PABPN1: variants seen among roughly 807,000 people sequenced by gnomAD.
PABPN1 encodes poly(A) binding protein nuclear 1.
Under a neutral mutation model 33.4 loss-of-function variants are expected in PABPN1, and 5 were observed. That is an observed-to-expected ratio of 0.15 (90% CI 0.08 to 0.32). PABPN1 has a LOEUF of 0.32. Among genes scored for constraint, PABPN1 ranks in the 10% least tolerant of loss-of-function variants. The pLI is 1.00. For missense variants in PABPN1, 312 were observed against 425.8 expected, an observed-to-expected ratio of 0.73 and a Z score of 2.35; for synonymous variants, 176 against 170.6, an observed-to-expected ratio of 1.03 and a Z score of -0.25.
chr14:23,325,547 A>T lies in PABPN1; in HGVS notation c.*261A>T. The T allele has an allele frequency of 2.0e-6, 1 of 493,380 alleles. No homozygotes were observed. Among genetic ancestry groups the T allele is most frequent in the Non-Finnish European group, 3.6e-6 (1 of 278,698 alleles). 30.6% of individuals were successfully genotyped at this position (493,380 alleles called of 1,614,324 possible). Reference sequence around the variant, plus strand: ...TGGGGATTCGCCATGGACACGTCTCAACTGCGCAAGCTGCTGCCCATGTTT... The same window carrying T: ...TGGGGATTCGCCATGGACACGTCTCTACTGCGCAAGCTGCTGCCCATGTTT... On this transcript the variant is annotated 3_prime_UTR_variant, in exon 7 of 7. Coordinates refer to ENST00000216727, the MANE Select transcript of PABPN1 (RefSeq NM_004643.4).
rs997316903 is a variant in PABPN1, at chr14:23,325,490, A to G, written c.*204A>G. 2.3e-5 allele frequency: 15 copies of G among 660,510 alleles called. No individual in the cohort carries two copies. The highest frequency in any genetic ancestry group is 7.3e-5 in the African/African-American group (4 of 54,976). 40.9% of individuals were successfully genotyped at this position (660,510 alleles called of 1,614,324 possible). Reference sequence around the variant, plus strand: ...TGCTTTGGGGAGTAGGGGAAGGCCCAGGGAGTGGGGCAGGGGGCTGCTTAT... The same window carrying G: ...TGCTTTGGGGAGTAGGGGAAGGCCCGGGGAGTGGGGCAGGGGGCTGCTTAT... On this transcript the variant is annotated 3_prime_UTR_variant, in exon 7 of 7. Coordinates refer to ENST00000216727, the MANE Select transcript of PABPN1 (RefSeq NM_004643.4).
At position 23,323,048 on chromosome 14, in the gene PABPN1, T is replaced by G; in HGVS notation, c.516T>G (p.Arg172=). ...SIEEKMEADA[R]SIYVGNVDYG... ...AGGAGAAGATGGAGGCTGATGCCCG[T>G]TCCATCTATGTTGGCAATGTACGTA... The change falls in exon 3 of 7, where the codon CGT becomes CGG. Residue 172 remains arginine (R), a synonymous_variant. Coordinates refer to ENST00000216727, the MANE Select transcript of PABPN1 (RefSeq NM_004643.4). The G allele has an allele frequency of 6.2e-7, 1 of 1,614,208 alleles. No individual in the cohort carries two copies.
Position 23,321,506 on chromosome 14 carries a change from G to C in PABPN1, c.37G>C (p.Ala13Pro), listed in dbSNP as rs1293492884. Residue 13 changes from alanine (A) to proline (P), a missense_variant, in exon 1 of 7, where the codon GCT becomes CCT. Ala to Pro is a conservative substitution (Grantham distance 27, BLOSUM62 -1). This residue lies in a region of PABPN1 where 167 missense variants were observed against 168.9 expected (regional missense o/e 0.99). Coordinates refer to ENST00000216727, the MANE Select transcript of PABPN1 (RefSeq NM_004643.4). ...GGCGGCGGCGGCAGCAGCAGCGGGG[G>C]CTGCGGGCGGTCGGGGCTCCGGGCC... ...AAAAAAAAAG[A>P]AGGRGSGPGR... The C allele has an allele frequency of 3.7e-5, 45 of 1,230,024 alleles. No individual in the cohort carries two copies. The highest frequency in any genetic ancestry group is 3.7e-5 in the Non-Finnish European group (36 of 985,302). 76.2% of individuals were successfully genotyped at this position (1,230,024 alleles called of 1,614,324 possible).
At chr14:23,323,517 A>AC in intron 4 of PABPN1, 34 bp downstream of exon 4, 1 of 1,560,894 alleles carries the variant, frequency 6.4e-7, no homozygotes, top group Non-Finnish European at 8.8e-7. Context: ...GATAATTTAA[A>AC]TTACAGTGTA....
intron 6 of PABPN1, 168 bp from the exon 7 acceptor site, chr14:23,325,079 C>G: frequency 1.1e-6 from 1 of 877,130 alleles, no homozygotes; most frequent in Non-Finnish European, 1.7e-6. Flanking sequence ...TGCCCCAGTT[C>G]TCCAGGTGCG....
Position 23,326,002 on chromosome 14 carries a change from T to G in PABPN1, c.*716T>G, listed in dbSNP as rs1349467992. The G allele has an allele frequency of 9.2e-5, 14 of 152,294 alleles. No homozygotes were observed. The highest frequency in any genetic ancestry group is 2.9e-4 in the African/African-American group (12 of 41,394). 9.4% of individuals were successfully genotyped at this position (152,294 alleles called of 1,614,324 possible). On this transcript the variant is annotated 3_prime_UTR_variant, in exon 7 of 7. Coordinates refer to ENST00000216727, the MANE Select transcript of PABPN1 (RefSeq NM_004643.4). ...CAGTTGTTTTGTTTTTTTGTTTTTT[T>G]TTTTTTTCCTTTGCCTTTTTTCCCT...
At chr14:23,322,002 G>C in intron 1 of PABPN1, 179 bp from the exon 2 acceptor site, 1 of 782,692 alleles carries the variant, frequency 1.3e-6, no homozygotes. Context: ...GGCTTGATTC[G>C]GGCGTCACGG....
Position 23,322,166 on chromosome 14 carries a change from C to T in PABPN1, c.352-15C>T, listed in dbSNP as rs773423367. 2 of 1,595,212 alleles carry T rather than the reference C, an allele frequency of 1.3e-6. No homozygotes were observed. Among genetic ancestry groups the T allele is most frequent in the Admixed American group, 3.5e-5 (2 of 57,076 alleles). On this transcript the variant is annotated splice_polypyrimidine_tract_variant and intron_variant, in intron 1 of 6. Transcript: ENST00000216727. ...CCTCTTAAGCTGTCCTCCATACCCT[C>T]CCCACTTATATTAGGAGCTGGAAGC... is the stretch of plus-strand genomic sequence containing the variant.
At chr14:23,325,177 C>T in intron 6 of PABPN1, 70 bp from the exon 7 acceptor site, 1 of 1,606,030 alleles carries the variant, frequency 6.2e-7, no homozygotes. Flanking sequence ...GGGCAGGGGC[C>T]TACGGGGAGG....
In PABPN1 at chr14:23,325,549, C is replaced by T; in HGVS notation, c.*263C>T. The T allele has an allele frequency of 2.1e-6, 1 of 472,560 alleles. No individual in the cohort carries two copies. The highest frequency in any genetic ancestry group is 3.8e-6 in the Non-Finnish European group (1 of 266,324). The allele number at this position is 472,560 out of a possible 1,614,324, so 29.3% of individuals were successfully genotyped here. A position where few individuals can be genotyped will look rare whatever the true frequency, so the allele number is the denominator to read the frequency against. ...GGGATTCGCCATGGACACGTCTCAA[C>T]TGCGCAAGCTGCTGCCCATGTTTCC... On this transcript the variant is annotated 3_prime_UTR_variant, in exon 7 of 7. Transcript: ENST00000216727.
chr14:23,325,548 A>G lies in PABPN1; in HGVS notation c.*262A>G, dbSNP rs1177934473. 5 of 491,420 alleles carry G rather than the reference A, an allele frequency of 1.0e-5. No homozygotes were observed. Among genetic ancestry groups the G allele is most frequent in the East Asian group, 3.5e-5 (1 of 28,792 alleles). The allele number at this position is 491,420 out of a possible 1,614,324, so 30.4% of individuals were successfully genotyped here. On this transcript the variant is annotated 3_prime_UTR_variant, in exon 7 of 7. Coordinates refer to ENST00000216727, the MANE Select transcript of PABPN1 (RefSeq NM_004643.4). ...GGGGATTCGCCATGGACACGTCTCA[A>G]CTGCGCAAGCTGCTGCCCATGTTTC...
At chr14:23,323,090 G>T (rs767957612) in intron 3 of PABPN1, 24 bp downstream of exon 3, 4 of 1,613,772 alleles carry the variant, frequency 2.5e-6, no homozygotes, top group Admixed American at 1.7e-5. Flanking sequence ...CTCTGACTGG[G>T]GTTGGGGGCA....
rs1888368700 is a variant in PABPN1, at chr14:23,322,314, C to T, written c.466+19C>T. The T allele has an allele frequency of 1.9e-5, 30 of 1,579,108 alleles. No homozygotes were observed. The highest frequency in any genetic ancestry group is 2.5e-5 in the Non-Finnish European group (29 of 1,160,976). Reference sequence around the variant, plus strand: ...GGCAATGGTGAGTAACTGGCGGTTGCACGCGGAGCCCGGGTTCTCGGGTTG... The same window carrying T: ...GGCAATGGTGAGTAACTGGCGGTTGTACGCGGAGCCCGGGTTCTCGGGTTG... On this transcript the variant is annotated intron_variant, in intron 2 of 6. Transcript: ENST00000216727.
At chr14:23,322,713 A>C (rs2138472557) in intron 2 of PABPN1, 1 of 505,618 alleles carries the variant, frequency 2.0e-6, no homozygotes, top group East Asian at 3.6e-5. Context: ...GCTCACTCTT[A>C]AAAGCATTTC....
Position 23,325,979 on chromosome 14 carries a change from GTTGTT to G in PABPN1, c.*701_*705del, listed in dbSNP as rs1888730762. 8.3e-6 allele frequency: 1 copy of G among 120,326 alleles called. No individual in the cohort carries two copies. The highest frequency in any genetic ancestry group is 3.4e-5 in the African/African-American group (1 of 29,720). The allele number at this position is 120,326 out of a possible 1,614,324, so 7.5% of individuals were successfully genotyped here. A position where few individuals can be genotyped will look rare whatever the true frequency, so the allele number is the denominator to read the frequency against. On this transcript the variant is annotated 3_prime_UTR_variant, in exon 7 of 7. Coordinates refer to ENST00000216727, the MANE Select transcript of PABPN1 (RefSeq NM_004643.4). ...GGTTTAGGGGTGTTTTTGTTTTTCAGTTGTTTTGTTTTTTTGTTTTTTTTTTTTTT... is the reference window on the plus strand; with the variant it reads ...GGTTTAGGGGTGTTTTTGTTTTTCAGTTGTTTTTTTGTTTTTTTTTTTTTT...
At chr14:23,322,352 G>A in intron 2 of PABPN1, 57 bp downstream of exon 2, 1 of 1,466,180 alleles carries the variant, frequency 6.8e-7, no homozygotes. Flanking sequence ...AGGGTTGTGG[G>A]GAGGATGGGG....
At position 23,322,159 on chromosome 14, in the gene PABPN1, A is replaced by G. The variant is rs769911388; in HGVS notation, c.352-22A>G. 1.5e-5 allele frequency: 24 copies of G among 1,589,220 alleles called. No individual in the cohort carries two copies. The Admixed American group carries it at 2.1e-4, about 14-fold the overall frequency. ...GTTGGTTCCTCTTAAGCTGTCCTCC[A>G]TACCCTCCCCACTTATATTAGGAGC... On this transcript the variant is annotated intron_variant, in intron 1 of 6. Transcript: ENST00000216727.
At position 23,326,077 on chromosome 14, in the gene PABPN1, A is replaced by G. The variant is rs1594993081; in HGVS notation, c.*791A>G. 1 of 140,764 alleles carries G rather than the reference A, an allele frequency of 7.1e-6. No homozygotes were observed. Among genetic ancestry groups the G allele is most frequent in the Non-Finnish European group, 1.5e-5 (1 of 65,204 alleles). The allele number at this position is 140,764 out of a possible 1,614,324, so 8.7% of individuals were successfully genotyped here. ...GTGGGAACAGGGAGGTGGGAGGTGG[A>G]TTTTGTTTATTTTTTTAGCTCATTT... On this transcript the variant is annotated 3_prime_UTR_variant, in exon 7 of 7. Transcript: ENST00000216727.
rs775627404 is a variant in PABPN1, at chr14:23,325,231, TCC to T, written c.882-15_882-14del. 1 of 1,612,776 alleles carries T rather than the reference TCC, an allele frequency of 6.2e-7. No homozygotes were observed. The highest frequency in any genetic ancestry group is 8.5e-7 in the Non-Finnish European group (1 of 1,179,858). On this transcript the variant is annotated splice_polypyrimidine_tract_variant and intron_variant, in intron 6 of 6. Coordinates refer to ENST00000216727, the MANE Select transcript of PABPN1 (RefSeq NM_004643.4). ...TAGTGATCACGTTAACACCTAACTC[TCC>T]TTCTTTCTTCCAGGGGCCGGGCTAG...
Sources: gnomAD v4.1 joint callset for allele counts on GRCh38, gnomAD v4.1.1 for gene constraint, gnomAD v4.1.1 regional missense constraint, MANE v1.5 for transcripts, NCBI Gene and HGNC (gene_info 2026-07-23, HGNC 2026-07-21) for gene names.